The following RBM26 variants were observed in gnomAD, a reference collection of about 807,000 sequenced individuals.
The protein encoded by RBM26 is RNA-binding protein 26.
A neutral mutation model predicts 123.6 loss-of-function variants in RBM26; 30 were observed. That is an observed-to-expected ratio of 0.24 (90% CI 0.18 to 0.33). The LOEUF is 0.33. Among genes scored for constraint, RBM26 ranks in the 10% least tolerant of loss-of-function variants. RBM26 has a pLI of 1.00. For missense variants in RBM26, 947 were observed against 1,203.6 expected, an observed-to-expected ratio of 0.79 and a Z score of 3.15; for synonymous variants, 400 against 404.4, an observed-to-expected ratio of 0.99 and a Z score of 0.13.
intron 20 of RBM26, among the ~76,000 whole-genome samples, chr13:79,332,826 CAA>C (rs1011014698): frequency 6.6e-6 from 1 of 152,166 alleles, no homozygotes; most frequent in Admixed American, 6.5e-5. Flanking sequence ...AGGTACGTGT[CAA>C]AAGTCTTTCC....
chr13:79,366,795 G>T lies in RBM26; in HGVS notation c.973C>A (p.Leu325Ile). Residue 325 changes from leucine (L) to isoleucine (I), a missense_variant, in exon 7 of 22, where the codon CTT (leucine) becomes ATT (isoleucine). Leu to Ile is a conservative substitution (Grantham distance 5). Around this residue, in one of 5 missense-constraint regions of RBM26, gnomAD observed 11 missense variants for 44.5 expected, o/e 0.25. Coordinates refer to ENST00000438737, the MANE Select transcript of RBM26 (RefSeq NM_001366735.2). ...SDPVVVEDVN[L>I]PGMLPFPAQP... ...GCTGGGAAAGGCAGCATACCAGGAA[G>T]ATTCACATCTTCTACAACTACTGGA... The T allele has an allele frequency of 6.2e-7, 1 of 1,613,880 alleles. No homozygotes were observed.
At position 79,375,079 on chromosome 13, in the gene RBM26, T is replaced by TATATATAAATATATATTTATATG. The variant is rs1566517551; in HGVS notation, c.327+2299_327+2300insCATATAAATATATATTTATATAT. Among the ~76,000 whole-genome samples the TATATATAAATATATATTTATATG allele has an allele frequency of 3.3e-4, 7 of 21,382 alleles. No individual in the cohort carries two copies. The East Asian group carries it at 3.4e-3, about 10-fold the overall frequency. The allele number at this position is 21,382 out of a possible 152,430, so 14.0% of individuals were successfully genotyped here. A position where few individuals can be genotyped will look rare whatever the true frequency, so the allele number is the denominator to read the frequency against. ...TTTATATTTTTATATATTTATATGA[T>TATATATAAATATATATTTATATG]ATATATAAATATATATTTATATATA... On this transcript the variant is annotated intron_variant, in intron 3 of 21. Transcript: ENST00000438737.
chr13:79,322,190 C>T (rs1018166616), intron 21 of RBM26, 159 bp downstream of exon 21: 7 of 429,150 alleles, frequency 1.6e-5, no homozygotes, highest in South Asian at 6.1e-5. Flanking sequence ...TCTCATTATC[C>T]AGAAAATTTA....
chr13:79,399,968 CTG>C (rs2078925284), intron 1 of RBM26, among the ~76,000 whole-genome samples: 1 of 152,046 alleles, frequency 6.6e-6, no homozygotes, highest in Admixed American at 6.6e-5. Flanking sequence ...AAGCTTAAGA[CTG>C]TGAAGAGTGG....
Position 79,380,011 on chromosome 13 carries a change from G to A in RBM26, c.72-1104C>T, listed in dbSNP as rs144514112. On this transcript the variant is annotated intron_variant, in intron 1 of 21. Transcript: ENST00000438737. ...TTCTGGTGGCAAGACTAATGAAAAC[G>A]CAATTCTAAACATGAGCTGGTGTGA... 2.2e-4 allele frequency among the ~76,000 whole-genome samples: 33 copies of A among 152,208 alleles called. No homozygotes were observed. The South Asian group carries it at 4.1e-3, about 19-fold the overall frequency.
intron 9 of RBM26, among the ~76,000 whole-genome samples, chr13:79,361,238 A>G (rs2139732683): frequency 6.6e-6 from 1 of 152,242 alleles, no homozygotes; most frequent in Admixed American, 6.6e-5. Flanking sequence ...CTACCCACAT[A>G]TGCCATACAT....
At chr13:79,374,692 T>A (rs1468560191) in intron 3 of RBM26, among the ~76,000 whole-genome samples, 2 of 151,828 alleles carry the variant, frequency 1.3e-5, no homozygotes, top group African/African-American at 2.4e-5. Context: ...ACCCTTCTGA[T>A]GCACTCTTTC....
At chr13:79,372,794 T>TTATA (rs10635224) in intron 3 of RBM26, among the ~76,000 whole-genome samples, 61,674 of 64,876 alleles carry the variant, frequency 0.95, 30,024 homozygotes, top group East Asian at 1. Context: ...ATGATATATA[T>TTATA]TATAATTATA....
intron 5 of RBM26, among the ~76,000 whole-genome samples, chr13:79,370,466 C>A (rs577592199): frequency 6.6e-6 from 1 of 152,144 alleles, no homozygotes; most frequent in Non-Finnish European, 1.5e-5. Context: ...GGATATACCA[C>A]AACATGTTTA....
intron 20 of RBM26, among the ~76,000 whole-genome samples, chr13:79,330,644 A>G (rs1389471794): frequency 6.6e-6 from 1 of 152,120 alleles, no homozygotes; most frequent in East Asian, 1.9e-4. Flanking sequence ...TATATAAAAG[A>G]AGGCTAAAAG....
At chr13:79,313,940 T>C (rs140363483), downstream of RBM26, 206 of 150,208 alleles carry the variant, frequency 1.4e-3, 1 homozygote, top group African/African-American at 4.7e-3. Flanking sequence ...TGAATAAAAA[T>C]CAGTGTCAAT....
In RBM26 at chr13:79,320,407, T is replaced by C. The variant is rs191742189; in HGVS notation, c.*214A>G. The stretch of plus-strand genomic sequence containing the variant: ...AACATTGCATATGTTTCTAGTGTGA[T>C]GTCTTTAGCAATTGTTTACTGAAGT... On this transcript the variant is annotated 3_prime_UTR_variant, in exon 22 of 22. Transcript: ENST00000438737. 14 of 1,196,610 alleles carry C rather than the reference T, an allele frequency of 1.2e-5. No homozygotes were observed. The highest frequency in any genetic ancestry group is 3.3e-4 in the Middle Eastern group (1 of 3,000). The allele number at this position is 1,196,610 out of a possible 1,614,324, so 74.1% of individuals were successfully genotyped here.
Position 79,332,016 on chromosome 13 carries a change from ACTT to A in RBM26, c.2820+2325_2820+2327del, listed in dbSNP as rs2069505366. On this transcript the variant is annotated intron_variant, in intron 20 of 21. Coordinates refer to ENST00000438737, the MANE Select transcript of RBM26 (RefSeq NM_001366735.2). ...TGCTTCAATATTTTTCCTGAGGAAA[ACTT>A]CTCACTTTTCAGTTATATCTGAATG... Among the ~76,000 whole-genome samples, 7 of 152,224 alleles carry A rather than the reference ACTT, an allele frequency of 4.6e-5. 1 individual carries two copies. The South Asian group carries it at 8.3e-4, about 18-fold the overall frequency.
At chr13:79,346,023 T>G (rs2072271023) in intron 14 of RBM26, among the ~76,000 whole-genome samples, 1 of 152,180 alleles carries the variant, frequency 6.6e-6, no homozygotes, top group Admixed American at 6.5e-5. Flanking sequence ...GCAATTTTTC[T>G]AAGGAAAAAC....
chr13:79,373,462 T>TATA lies in RBM26; in HGVS notation c.328-1533_328-1532insTAT, dbSNP rs1566508021. Among the ~76,000 whole-genome samples the TATA allele has an allele frequency of 4.6e-4, 33 of 71,740 alleles. 2 individuals carry two copies. The East Asian group carries it at 5.5e-3, about 12-fold the overall frequency. 47.1% of individuals were successfully genotyped at this position (71,740 alleles called of 152,430 possible). On this transcript the variant is annotated intron_variant, in intron 3 of 21. Coordinates refer to ENST00000438737, the MANE Select transcript of RBM26 (RefSeq NM_001366735.2). Reference sequence around the variant, plus strand: ...ATTATATATTATATATAAATATATATAATATGTATAAATATACAAATATAT... The same window carrying TATA: ...ATTATATATTATATATAAATATATATATAAATATGTATAAATATACAAATATAT...
chr13:79,381,466 G>A (rs1004474075), intron 1 of RBM26, among the ~76,000 whole-genome samples: 1 of 151,870 alleles, frequency 6.6e-6, no homozygotes, highest in African/African-American at 2.4e-5. Context: ...TGCAACTGCT[G>A]TATATAAATT....
At position 79,334,424 on chromosome 13, in the gene RBM26, C is replaced by A; in HGVS notation, c.2740G>T (p.Gly914Cys). The change falls in exon 20 of 22, where the codon GGT becomes TGT. Residue 914 changes from glycine (G) to cysteine (C), a missense_variant. By Grantham distance (159) the Gly-to-Cys change is radical. Around this residue, in one of 5 missense-constraint regions of RBM26, gnomAD observed 164 missense variants for 215.3 expected, o/e 0.76. Transcript: ENST00000438737. ...EDLLPHFAQY[G>C]EIEDCQIDDS... ...TCAATCTGACAATCTTCAATTTCAC[C>A]ATATTGCTTTAAATTAAAAAAAAAG... 1.3e-6 allele frequency: 2 copies of A among 1,530,318 alleles called. No homozygotes were observed. The highest frequency in any genetic ancestry group is 8.9e-7 in the Non-Finnish European group (1 of 1,128,246). 94.8% of individuals were successfully genotyped at this position (1,530,318 alleles called of 1,614,324 possible). A position where few individuals can be genotyped will look rare whatever the true frequency, so the allele number is the denominator to read the frequency against.
Position 79,337,124 on chromosome 13 carries a change from T to A in RBM26, c.2711A>T (p.Glu904Val). The change falls in exon 19 of 22, where the codon GAA (glutamate) becomes GTA (valine). Residue 904 changes from glutamate (E) to valine (V), a missense_variant. Physicochemically the swap from Glu to Val is moderately radical, Grantham distance 121. Transcript: ENST00000438737. The part of the protein sequence containing the change: ...EISAFTESDR[E>V]DLLPHFAQYG... ...TACCGCAAAATGAGGAAGAAGATCT[T>A]CTCTATCGCTCTCCGTAAATGCAGA... The A allele has an allele frequency of 6.2e-7, 1 of 1,614,046 alleles. No homozygotes were observed. Among genetic ancestry groups the A allele is most frequent in the South Asian group, 1.1e-5 (1 of 91,064 alleles).
intron 9 of RBM26, among the ~76,000 whole-genome samples, chr13:79,362,060 A>C (rs2074758338): frequency 6.6e-6 from 1 of 152,142 alleles, no homozygotes; most frequent in African/African-American, 2.4e-5. Flanking sequence ...CATGATTCCA[A>C]AATCTGTATA....
Sources: gnomAD v4.1 joint callset for allele counts (sites outside exome capture counted in the v4.1 genomes callset) on GRCh38, gnomAD v4.1.1 for gene constraint, gnomAD v4.1.1 regional missense constraint, MANE v1.5 for transcripts, NCBI Gene and HGNC (gene_info 2026-07-23, HGNC 2026-07-21) for gene names.